LDB1: variants seen among roughly 807,000 people sequenced by gnomAD.
The protein encoded by LDB1 is LIM domain binding 1.
In LDB1, 6 loss-of-function variants were observed where a neutral mutation model predicts 49.7. The observed-to-expected ratio is 0.12, with a 90% confidence interval of 0.07 to 0.24. The LOEUF is 0.24. Among genes scored for constraint, LDB1 ranks in the 10% least tolerant of loss-of-function variants. LDB1 has a pLI of 1.00. For synonymous variants in LDB1, 233 were observed against 202.0 expected, an observed-to-expected ratio of 1.15 and a Z score of -1.30; for missense variants, 341 against 561.7, an observed-to-expected ratio of 0.61 and a Z score of 3.97.
At chr10:102,114,098 C>T (rs1025952338) in intron 1 of LDB1, among the ~76,000 whole-genome samples, 2 of 152,270 alleles carry the variant, frequency 1.3e-5, no homozygotes, top group Admixed American at 6.5e-5. Context: ...CATAGCCCCC[C>T]TCCCACCTCT....
rs1208184235 is a variant in LDB1, at chr10:102,120,076, C to G, written c.25+10G>C. ...CAGGAAGGGGCCGAGTGGCCGCACG[C>G]CCCACTCACCAGGACAGGCACAGCC... On this transcript the variant is annotated intron_variant, in intron 1 of 10. Transcript: ENST00000673968. The G allele has an allele frequency of 2.1e-6, 3 of 1,439,502 alleles. No homozygotes were observed. The highest frequency in any genetic ancestry group is 2.6e-5 in the Admixed American group (1 of 39,100). The allele number at this position is 1,439,502 out of a possible 1,614,324, so 89.2% of individuals were successfully genotyped here.
At chr10:102,102,359 C>T (rs537732402), downstream of LDB1, among the ~76,000 whole-genome samples, 2 of 152,342 alleles carry the variant, frequency 1.3e-5, no homozygotes, top group East Asian at 3.9e-4. Context: ...AATTAGCCTA[C>T]CTCATCCTCC....
chr10:102,119,749 G>A (rs1420067676), intron 1 of LDB1, among the ~76,000 whole-genome samples: 1 of 148,280 alleles, frequency 6.7e-6, no homozygotes, highest in Non-Finnish European at 1.5e-5. Context: ...TGACCTGAGG[G>A]GGGGGGTCAA....
rs2068233607 is a variant in LDB1, at chr10:102,110,357, CCATA to C, written c.525+168_525+171del. The stretch of plus-strand genomic sequence containing the variant: ...TAGCCTTGGGGCCCAGAAAACTATC[CCATA>C]CAAACACAATACATGTTTGCTGACG... On this transcript the variant is annotated intron_variant, in intron 6 of 10. Transcript: ENST00000673968. The C allele has an allele frequency of 2.3e-4, 158 of 695,952 alleles. 2 individuals are homozygous for C. In the South Asian group the frequency reaches 3.0e-3, roughly 13 times the overall value. 43.1% of individuals were successfully genotyped at this position (695,952 alleles called of 1,614,324 possible).
At chr10:102,115,733 A>G (rs1302901219) in intron 1 of LDB1, among the ~76,000 whole-genome samples, 2 of 152,152 alleles carry the variant, frequency 1.3e-5, no homozygotes, top group Non-Finnish European at 2.9e-5. Context: ...CACCCCAGAA[A>G]AAAAAACGTG....
chr10:102,108,039 G>T lies in LDB1; in HGVS notation c.*54C>A, dbSNP rs1273742656. 5.3e-6 allele frequency: 7 copies of T among 1,324,692 alleles called. No homozygotes were observed. The African/African-American group carries it at 5.8e-5, about 11-fold the overall frequency. 82.1% of individuals were successfully genotyped at this position (1,324,692 alleles called of 1,614,324 possible). A position where few individuals can be genotyped will look rare whatever the true frequency, so the allele number is the denominator to read the frequency against. On this transcript the variant is annotated 3_prime_UTR_variant, in exon 11 of 11. Transcript: ENST00000673968. ...TTCATTCTGTCTTCTGCTCCCTGGG[G>T]CTGTGAGGGGTGGGGCAGGTAGGCA...
At chr10:102,115,931 AACAC>A (rs147482525) in intron 1 of LDB1, among the ~76,000 whole-genome samples, 7 of 150,420 alleles carry the variant, frequency 4.7e-5, no homozygotes, top group Admixed American at 2.0e-4. Context: ...CACACACACA[AACAC>A]ACACACACAC....
rs1180107530 is a variant in LDB1 at position 102,111,416 on chromosome 10, G to A, written c.128+18C>T. 1 of 1,596,984 alleles carries A rather than the reference G, an allele frequency of 6.3e-7. No homozygotes were observed. Among genetic ancestry groups the A allele is most frequent in the African/African-American group, 1.3e-5 (1 of 74,620 alleles). On this transcript the variant is annotated intron_variant, in intron 2 of 10. Transcript: ENST00000673968. ...CCACCTGGAGAAGGGTTAGGAAGTGGCCAAGAGACTCACTTACCCCACATC... is the reference window on the plus strand; with the variant it reads ...CCACCTGGAGAAGGGTTAGGAAGTGACCAAGAGACTCACTTACCCCACATC...
At position 102,120,203 on chromosome 10, in the gene LDB1, G is replaced by T. The variant is rs2068399192; in HGVS notation, c.-93C>A. ...GCATGAGCCGCCGCCGCCGCCCGCGGCCCCCGCTGCGCTCGCCGCCGGCCC... is the reference window on the plus strand; with the variant it reads ...GCATGAGCCGCCGCCGCCGCCCGCGTCCCCCGCTGCGCTCGCCGCCGGCCC... On this transcript the variant is annotated 5_prime_UTR_variant, in exon 1 of 11. Transcript: ENST00000673968. 1 of 1,035,882 alleles carries T rather than the reference G, an allele frequency of 9.7e-7. No homozygotes were observed. 64.2% of individuals were successfully genotyped at this position (1,035,882 alleles called of 1,614,324 possible). A position where few individuals can be genotyped will look rare whatever the true frequency, so the allele number is the denominator to read the frequency against.
intron 6 of LDB1, 148 bp downstream of exon 6, chr10:102,110,381 C>T (rs2068233811): frequency 1.3e-6 from 1 of 773,798 alleles, no homozygotes; most frequent in South Asian, 1.8e-5. Context: ...TACATGTTTG[C>T]TGACGGTTGC....
downstream of LDB1, among the ~76,000 whole-genome samples, chr10:102,102,417 C>T (rs2068128529): frequency 1.3e-5 from 2 of 152,178 alleles, no homozygotes; most frequent in Admixed American, 6.5e-5. Flanking sequence ...TTTTCTCCCC[C>T]AAGCTCCTTT....
intron 6 of LDB1, 152 bp from the exon 7 acceptor site, chr10:102,110,195 C>A: frequency 1.2e-6 from 1 of 840,330 alleles, no homozygotes; most frequent in Non-Finnish European, 1.8e-6. Flanking sequence ...TCACAGTACC[C>A]CCCACCCATA....
chr10:102,116,542 C>T lies in LDB1; in HGVS notation c.25+3544G>A, dbSNP rs1309186161. Among the ~76,000 whole-genome samples, 4 of 152,116 alleles carry T rather than the reference C, an allele frequency of 2.6e-5. No homozygotes were observed. In the East Asian group the frequency reaches 7.7e-4, roughly 29 times the overall value. ...CAAATCCTGGATATATACACACACA[C>T]ACAGTCTAAGTCATACACACTGGGA... On this transcript the variant is annotated intron_variant, in intron 1 of 10. Coordinates refer to ENST00000673968, the MANE Select transcript of LDB1 (RefSeq NM_001113407.3).
Position 102,120,189 on chromosome 10 carries a change from C to A in LDB1, c.-79G>T. ...CGGGGACAGGCCGGGCATGAGCCGC[C>A]GCCGCCGCCCGCGGCCCCCGCTGCG... On this transcript the variant is annotated 5_prime_UTR_variant, in exon 1 of 11. Transcript: ENST00000673968. 1 of 1,096,256 alleles carries A rather than the reference C, an allele frequency of 9.1e-7. No individual in the cohort carries two copies. The allele number at this position is 1,096,256 out of a possible 1,614,324, so 67.9% of individuals were successfully genotyped here. A position where few individuals can be genotyped will look rare whatever the true frequency, so the allele number is the denominator to read the frequency against.
chr10:102,107,024 T>C lies in LDB1; in HGVS notation c.*1069A>G, dbSNP rs374009232. Among the ~76,000 whole-genome samples the C allele has an allele frequency of 1.3e-5, 2 of 152,102 alleles. No individual in the cohort carries two copies. Among genetic ancestry groups the C allele is most frequent in the South Asian group, 2.1e-4 (1 of 4,816 alleles). On this transcript the variant is annotated 3_prime_UTR_variant, in exon 11 of 11. Transcript: ENST00000673968. ...GGACAGAGTAGGATTACATATGCAG[T>C]TGGAGGGGCTGAGGGAAGATTCTGG...
intron 10 of LDB1, among the ~76,000 whole-genome samples, 183 bp from the exon 11 acceptor site, chr10:102,108,506 A>G (rs921729342): frequency 2.0e-5 from 3 of 152,082 alleles, no homozygotes; most frequent in African/African-American, 7.2e-5. Context: ...CCTACTGAAG[A>G]ACACCAGAGC....
downstream of LDB1, among the ~76,000 whole-genome samples, chr10:102,105,752 A>T (rs973497168): frequency 6.6e-5 from 10 of 151,572 alleles, no homozygotes; most frequent in Non-Finnish European, 1.0e-4. Flanking sequence ...ACCTGAGGTC[A>T]AGAGTTTGAA....
intron 1 of LDB1, among the ~76,000 whole-genome samples, chr10:102,112,582 C>G (rs1316492486): frequency 6.6e-6 from 1 of 152,054 alleles, no homozygotes. Flanking sequence ...CGGCCACTCC[C>G]TTATCAGCCC....
upstream of LDB1, among the ~76,000 whole-genome samples, chr10:102,121,338 C>G (rs1488301681): frequency 3.3e-5 from 5 of 152,212 alleles, no homozygotes; most frequent in Non-Finnish European, 5.9e-5. Flanking sequence ...AGCTGCTGTC[C>G]TTTGAGGGCT....
Sources: allele counts gnomAD v4.1 joint callset (sites outside exome capture counted in the v4.1 genomes callset), GRCh38; gene constraint gnomAD v4.1.1; transcripts MANE v1.5; gene names NCBI Gene and HGNC (gene_info 2026-07-23, HGNC 2026-07-21).